FHOD1: variants seen among roughly 807,000 people sequenced by gnomAD.
FHOD1 encodes formin homology 2 domain containing 1.
In FHOD1, 89 loss-of-function variants were observed where a neutral mutation model predicts 111.6. The observed-to-expected ratio is 0.80, with a 90% CI of 0.67 to 0.95. The LOEUF (loss-of-function observed/expected upper bound fraction) is 0.95. FHOD1 is among the 40% of genes least tolerant of loss of function. The probability of loss-of-function intolerance (pLI) is 0.00; values close to 1 mark genes in which losing one functional copy is unlikely to be tolerated. For missense variants in FHOD1, 1,446 were observed against 1,554.2 expected (o/e 0.93, Z 1.17); for synonymous variants, 618 against 639.0 (o/e 0.97, Z 0.50).
intron 17 of FHOD1, 29 bp from the exon 18 acceptor site, chr16:67,230,820 T>C: frequency 6.4e-7 from 1 of 1,555,190 alleles, no homozygotes. Context: ...GCACATACTG[T>C]CCCCCCACAC....
rs777850281 is a variant in FHOD1, at chr16:67,229,810, C to T, written c.3395G>A (p.Arg1132His). Residue 1132 changes from arginine (R) to histidine (H), a missense_variant, in exon 21 of 22, where the codon CGC becomes CAC. This residue lies in a region of FHOD1 where 1,085 missense variants were observed against 1,108.8 expected (regional missense o/e 0.98). Coordinates refer to ENST00000258201, the MANE Select transcript of FHOD1 (RefSeq NM_013241.3). ...TTACTTACAAGACTTGCGGTTGCCG[C>T]GGGAACGCTTGCGTTCCCTAGCAGC... ...ALAARERKRSRGNRKSLRRTL... is the reference protein window; with the variant it reads ...ALAARERKRSHGNRKSLRRTL... 9.3e-6 allele frequency: 15 copies of T among 1,614,084 alleles called. No individual in the cohort carries two copies. The highest frequency in any genetic ancestry group is 2.2e-5 in the East Asian group (1 of 44,898).
intron 1 of FHOD1, among the ~76,000 whole-genome samples, chr16:67,244,850 G>C (rs899891459): frequency 6.6e-6 from 1 of 152,154 alleles, no homozygotes; most frequent in Non-Finnish European, 1.5e-5. Context: ...GGGATGCCCT[G>C]GTTTCTGGGC....
intron 1 of FHOD1, among the ~76,000 whole-genome samples, chr16:67,244,343 A>AG (rs1243326433): frequency 6.6e-6 from 1 of 152,070 alleles, no homozygotes; most frequent in Non-Finnish European, 1.5e-5. Flanking sequence ...GCAAGGCCAG[A>AG]GGGACACATT....
In FHOD1 at chr16:67,231,413, C is replaced by A. The variant is rs777971404; in HGVS notation, c.2505+17G>T. 1.2e-6 allele frequency: 2 copies of A among 1,614,124 alleles called. No individual in the cohort carries two copies. Among genetic ancestry groups the A allele is most frequent in the Non-Finnish European group, 1.7e-6 (2 of 1,180,010 alleles). On this transcript the variant is annotated intron_variant, in intron 16 of 21. Transcript: ENST00000258201. This position sits in a 1 kb window ranked among gnomAD's most constrained non-coding sequence, Gnocchi z 4.3. ...CAGAACCCTGACTCCCCCTAGTCCC[C>A]ATGTACTCTCACTCACCTGGGAGCC...
chr16:67,240,252 C>T (rs754643846), intron 1 of FHOD1, among the ~76,000 whole-genome samples: 3 of 152,166 alleles, frequency 2.0e-5, no homozygotes, highest in Non-Finnish European at 4.4e-5. Context: ...TTAGGCCAGG[C>T]GTGGTGGCTC....
Position 67,231,750 on chromosome 16 carries a change from C to T in FHOD1, c.2272G>A (p.Asp758Asn). 5.0e-6 allele frequency: 8 copies of T among 1,614,050 alleles called. No individual in the cohort carries two copies. The highest frequency in any genetic ancestry group is 5.9e-6 in the Non-Finnish European group (7 of 1,180,004). ...TTCTCGGCTGGGCCCAGGGGTATGTCAGGGTTGGCCAGCTGGGCTTCCTCA... is the reference window on the plus strand; with the variant it reads ...TTCTCGGCTGGGCCCAGGGGTATGTTAGGGTTGGCCAGCTGGGCTTCCTCA... ...KIEEAQLANP[D>N]IPLGPAENFL... The change falls in exon 15 of 22, where the codon GAC becomes AAC. Residue 758 changes from aspartate to asparagine, a missense_variant. By Grantham distance (23) the Asp-to-Asn change is conservative (BLOSUM62 1). Coordinates refer to ENST00000258201, the MANE Select transcript of FHOD1 (RefSeq NM_013241.3). This position sits in a 1 kb window ranked among gnomAD's most constrained non-coding sequence, Gnocchi z 4.3.
intron 10 of FHOD1, 24 bp downstream of exon 10, chr16:67,236,942 C>A (rs775096702): frequency 6.9e-7 from 1 of 1,453,542 alleles, no homozygotes; most frequent in Non-Finnish European, 9.2e-7. Context: ...CCACCCTTTC[C>A]CATCTACAGA....
intron 11 of FHOD1, 100 bp from the exon 12 acceptor site, chr16:67,234,572 C>T: frequency 1.0e-6 from 1 of 972,570 alleles, no homozygotes. Context: ...TGCAGGCACG[C>T]ACAGACACAC....
In FHOD1 at chr16:67,229,949, G is replaced by GC; in HGVS notation, c.3255dup (p.Pro1086AlafsTer17). The GC allele has an allele frequency of 6.2e-7, 1 of 1,614,216 alleles. No homozygotes were observed. The highest frequency in any genetic ancestry group is 8.5e-7 in the Non-Finnish European group (1 of 1,180,040). ...GGTTCTTCTGGGGATGCAGTGGAGG[G>GC]CCCCACTGTGGGCATGATTGGGGAG... On this transcript the variant is annotated frameshift_variant, in exon 21 of 22. Transcript: ENST00000258201. LOFTEE classifies it high-confidence loss of function.
intron 1 of FHOD1, among the ~76,000 whole-genome samples, chr16:67,241,446 G>A (rs1419946051): frequency 1.3e-5 from 2 of 152,104 alleles, no homozygotes; most frequent in East Asian, 3.9e-4. Flanking sequence ...TCCCTCCCTT[G>A]GCCTGGAAGA....
intron 1 of FHOD1, among the ~76,000 whole-genome samples, chr16:67,244,500 C>A (rs991401189): frequency 3.3e-5 from 5 of 152,118 alleles, no homozygotes; most frequent in Non-Finnish European, 5.9e-5. Context: ...GAGTCAGAGG[C>A]TGTGGCCAGG....
chr16:67,231,068 A>T lies in FHOD1; in HGVS notation c.2667+120T>A. The T allele has an allele frequency of 7.7e-7, 1 of 1,291,692 alleles. No homozygotes were observed. Among genetic ancestry groups the T allele is most frequent in the Non-Finnish European group, 1.1e-6 (1 of 929,694 alleles). 80.0% of individuals were successfully genotyped at this position (1,291,692 alleles called of 1,614,324 possible). A position where few individuals can be genotyped will look rare whatever the true frequency, so the allele number is the denominator to read the frequency against. ...CTGGCAGAGGGCATAGCTCACACCC[A>T]GGTGGCTGGAGCAAGCCCTGGCACA... is the stretch of plus-strand genomic sequence containing the variant. On this transcript the variant is annotated intron_variant, in intron 17 of 21. Coordinates refer to ENST00000258201, the MANE Select transcript of FHOD1 (RefSeq NM_013241.3). The surrounding 1 kb of genome is among the most constrained non-coding windows in gnomAD (Gnocchi z 4.3).
chr16:67,236,646 A>C lies in FHOD1; in HGVS notation c.1230T>G (p.Pro410=), dbSNP rs747988511. The change falls in exon 11 of 22, where the codon CCT becomes CCG. Residue 410 remains proline, a synonymous_variant. Coordinates refer to ENST00000258201, the MANE Select transcript of FHOD1 (RefSeq NM_013241.3). ...TCACTGAAGCTTGGAGACCGGAGGGAGGGCCCACAGGGCTGGAGGCGGGGC... is the reference window on the plus strand; with the variant it reads ...TCACTGAAGCTTGGAGACCGGAGGGCGGGCCCACAGGGCTGGAGGCGGGGC... ...LTGPASSPVG[P]PSGLQASVNL... is the part of the protein sequence containing the mutation. 1 of 1,611,676 alleles carries C rather than the reference A, an allele frequency of 6.2e-7. No homozygotes were observed. The highest frequency in any genetic ancestry group is 1.3e-5 in the African/African-American group (1 of 74,676).
At chr16:67,236,289 C>T in intron 11 of FHOD1, 1 of 1,038,898 alleles carries the variant, frequency 9.6e-7, no homozygotes, top group Non-Finnish European at 1.3e-6. Flanking sequence ...AAGGGAGTGA[C>T]AGATAGTGGG....
Position 67,238,477 on chromosome 16 carries a change from T to G in FHOD1, c.374-30A>C. The G allele has an allele frequency of 6.3e-7, 1 of 1,592,916 alleles. No individual in the cohort carries two copies. Among genetic ancestry groups the G allele is most frequent in the South Asian group, 1.1e-5 (1 of 89,336 alleles). On this transcript the variant is annotated intron_variant, in intron 3 of 21. Coordinates refer to ENST00000258201, the MANE Select transcript of FHOD1 (RefSeq NM_013241.3). This position sits in a 1 kb window ranked among gnomAD's most constrained non-coding sequence, Gnocchi z 4.2. ...AAAAGGTAGGGTATAAAACCCTTGA[T>G]GGACACAGACTCACTGTCTTCCTCT...
At position 67,229,470 on chromosome 16, in the gene FHOD1, A is replaced by G; in HGVS notation, c.*166T>C. ...TGCACATGCATATGCATGCACACAC[A>G]CACATACACACACACTCACATGCAT... On this transcript the variant is annotated 3_prime_UTR_variant, in exon 22 of 22. Transcript: ENST00000258201. The G allele has an allele frequency of 1.5e-6, 1 of 652,820 alleles. No homozygotes were observed. Among genetic ancestry groups the G allele is most frequent in the Admixed American group, 2.7e-5 (1 of 37,284 alleles). The allele number at this position is 652,820 out of a possible 1,614,324, so 40.4% of individuals were successfully genotyped here.
In FHOD1 at chr16:67,234,486, C is replaced by T. The variant is rs1031803923; in HGVS notation, c.1320-14G>A. 1 of 1,564,952 alleles carries T rather than the reference C, an allele frequency of 6.4e-7. No homozygotes were observed. The highest frequency in any genetic ancestry group is 8.6e-7 in the Non-Finnish European group (1 of 1,157,888). On this transcript the variant is annotated splice_polypyrimidine_tract_variant and intron_variant, in intron 11 of 21. Coordinates refer to ENST00000258201, the MANE Select transcript of FHOD1 (RefSeq NM_013241.3). Reference sequence around the variant, plus strand: ...AGGAACCGGGCTCTGAGGGAAGGTGCTTGTCACTGACAGCGTCTGACACAC... The same window carrying T: ...AGGAACCGGGCTCTGAGGGAAGGTGTTTGTCACTGACAGCGTCTGACACAC...
chr16:67,242,876 C>T (rs2034705177), intron 1 of FHOD1, among the ~76,000 whole-genome samples: 1 of 152,004 alleles, frequency 6.6e-6, no homozygotes, highest in Non-Finnish European at 1.5e-5. Context: ...CTCTCTCTTT[C>T]TAGCTATCTA....
chr16:67,230,935 A>G (rs2034242868), intron 17 of FHOD1, 144 bp from the exon 18 acceptor site: 1 of 943,972 alleles, frequency 1.1e-6, no homozygotes, highest in South Asian at 1.7e-5. Context: ...AAGAGACACA[A>G]GTCCATCTGA....
Sources: allele counts gnomAD v4.1 joint callset (sites outside exome capture counted in the v4.1 genomes callset), GRCh38; gene constraint gnomAD v4.1.1; regional missense constraint gnomAD v4.1.1; non-coding constraint Gnocchi (gnomAD v3.1); transcripts MANE v1.5; gene names NCBI Gene and HGNC (gene_info 2026-07-23, HGNC 2026-07-21).